The following RBFOX1 variants were observed in gnomAD, a reference collection of about 807,000 sequenced individuals.
RBFOX1 encodes the protein RNA binding fox-1 homolog 1.
A neutral mutation model predicts 57.7 loss-of-function variants in RBFOX1; 8 were observed. That is an observed-to-expected ratio of 0.14 (90% CI 0.08 to 0.25). The LOEUF is 0.25. Ranked by LOEUF, RBFOX1 falls within the 10% of genes least tolerant of loss-of-function variation. RBFOX1 has a pLI of 1.00. For synonymous variants in RBFOX1, 326 were observed against 222.4 expected (o/e 1.47, Z -4.15); for missense variants, 611 against 548.5 (o/e 1.11, Z -1.14).
intron 4 of RBFOX1, among the ~76,000 whole-genome samples, chr16:7,106,389 T>C (rs959869908): frequency 6.6e-6 from 1 of 152,182 alleles, no homozygotes; most frequent in Non-Finnish European, 1.5e-5. Context: ...TGAAAAATAT[T>C]TTACAGCTCT....
intron 2 of RBFOX1, among the ~76,000 whole-genome samples, chr16:6,431,900 T>TTGCTTGCTTGCTTTCTTGCTTG (rs1567258053): frequency 1.4e-5 from 1 of 71,538 alleles, no homozygotes; most frequent in African/African-American, 5.4e-5. Flanking sequence ...TTGCTTGCTT[T>TTGCTTGCTTGCTTTCTTGCTTG]CTTTCTTTCT....
chr16:7,481,487 G>C (rs781045406), intron 4 of RBFOX1, among the ~76,000 whole-genome samples: 1 of 152,164 alleles, frequency 6.6e-6, no homozygotes, highest in Non-Finnish European at 1.5e-5. Context: ...CTTTTGGTGA[G>C]TTAGCAAGAA....
intron 4 of RBFOX1, among the ~76,000 whole-genome samples, chr16:7,219,094 T>C (rs577604548): frequency 1.3e-3 from 200 of 152,282 alleles, no homozygotes; most frequent in Middle Eastern, 3.4e-3. Context: ...GTCTTCATTA[T>C]CCCCGTCATT....
chr16:5,483,859 C>G (rs898345018), intron 2 of RBFOX1, among the ~76,000 whole-genome samples: 7 of 152,182 alleles, frequency 4.6e-5, no homozygotes, highest in African/African-American at 1.7e-4. Context: ...TCAAGAATCT[C>G]TCACAGGCTG....
intron 1 of RBFOX1, among the ~76,000 whole-genome samples, chr16:6,265,474 C>T (rs576980167): frequency 1.3e-5 from 2 of 152,230 alleles, no homozygotes; most frequent in South Asian, 4.1e-4. Context: ...GTTGGCCAGG[C>T]TGGTCTCAAA....
At chr16:7,331,661 C>T (rs997695046) in intron 4 of RBFOX1, among the ~76,000 whole-genome samples, 3 of 152,140 alleles carry the variant, frequency 2.0e-5, no homozygotes, top group African/African-American at 7.2e-5. Context: ...AATGATAACA[C>T]AGCCTTTTGA....
At chr16:6,840,146 A>T (rs950636081) in intron 3 of RBFOX1, among the ~76,000 whole-genome samples, 12 of 152,190 alleles carry the variant, frequency 7.9e-5, no homozygotes, top group Non-Finnish European at 1.6e-4. Context: ...TCATGGAGAT[A>T]ATCAGGCACC....
chr16:6,174,641 A>G (rs1327319730), intron 1 of RBFOX1, among the ~76,000 whole-genome samples: 2 of 152,098 alleles, frequency 1.3e-5, no homozygotes, highest in Admixed American at 6.6e-5. Context: ...GAAAAATATA[A>G]AAGTTAGGAT....
Position 6,380,037 on chromosome 16 carries a change from G to T in RBFOX1, c.-64+62980G>T, listed in dbSNP as rs191256052. On this transcript the variant is annotated intron_variant, in intron 2 of 15. Transcript: ENST00000550418. ...TAACAGGCAAGAAAGAGCAAGTTGGGGTGTAAGGAAGTCCGTAGGCTTTAT... is the reference window on the plus strand; with the variant it reads ...TAACAGGCAAGAAAGAGCAAGTTGGTGTGTAAGGAAGTCCGTAGGCTTTAT... 2.0e-5 allele frequency among the ~76,000 whole-genome samples: 3 copies of T among 152,268 alleles called. No homozygotes were observed. The East Asian group carries it at 5.8e-4, about 29-fold the overall frequency.
At chr16:7,064,671 C>T (rs1004429813) in intron 4 of RBFOX1, among the ~76,000 whole-genome samples, 8 of 152,130 alleles carry the variant, frequency 5.3e-5, no homozygotes, top group Non-Finnish European at 5.9e-5. Context: ...CCCTGGTCCA[C>T]GGTACTTTGT....
chr16:7,434,167 G>T (rs1420596547), intron 4 of RBFOX1, among the ~76,000 whole-genome samples: 1 of 152,052 alleles, frequency 6.6e-6, no homozygotes, highest in Non-Finnish European at 1.5e-5. Flanking sequence ...ACAGACATGT[G>T]GTGGTATAAG....
At chr16:7,033,784 A>G (rs2043458894) in intron 3 of RBFOX1, among the ~76,000 whole-genome samples, 1 of 152,094 alleles carries the variant, frequency 6.6e-6, no homozygotes, top group Admixed American at 6.5e-5. Flanking sequence ...CCTGAGTAAC[A>G]TAGCAAAACC....
chr16:6,130,409 T>C (rs2096621515), intron 1 of RBFOX1, among the ~76,000 whole-genome samples: 1 of 152,018 alleles, frequency 6.6e-6, no homozygotes, highest in Non-Finnish European at 1.5e-5. Context: ...GCTTTAAAAA[T>C]AAATGTATAT....
At chr16:5,599,476 A>G (rs2047295231) in exon 3 of RBFOX1, 1 of 506,472 alleles carries the variant, frequency 2.0e-6, no homozygotes, top group Non-Finnish European at 3.5e-6. Context: ...CCCACGAATA[A>G]CAGTGGCCAG....
At chr16:6,092,637 G>C (rs1286788305) in intron 1 of RBFOX1, 3 of 152,120 alleles carry the variant, frequency 2.0e-5, no homozygotes, top group Non-Finnish European at 4.4e-5. Flanking sequence ...ACCATTTATT[G>C]AATAGGGAAT....
At chr16:6,782,504 A>G (rs545631229) in intron 3 of RBFOX1, among the ~76,000 whole-genome samples, 82 of 152,036 alleles carry the variant, frequency 5.4e-4, no homozygotes, top group Non-Finnish European at 1.0e-3. Context: ...TCATGGTTCA[A>G]TCTTGGTAGG....
At chr16:6,657,322 G>T (rs2098666153) in intron 3 of RBFOX1, among the ~76,000 whole-genome samples, 1 of 152,128 alleles carries the variant, frequency 6.6e-6, no homozygotes, top group Non-Finnish European at 1.5e-5. Flanking sequence ...AAGAGATTGG[G>T]AGTGAGGTTT....
intron 3 of RBFOX1, among the ~76,000 whole-genome samples, chr16:6,779,062 T>C (rs192476396): frequency 6.6e-6 from 1 of 152,208 alleles, no homozygotes; most frequent in Admixed American, 6.5e-5. Flanking sequence ...AATGCATTAT[T>C]GTTAACTATA....
At chr16:5,457,910 TA>T (rs2151586650) in intron 1 of RBFOX1, among the ~76,000 whole-genome samples, 1 of 152,228 alleles carries the variant, frequency 6.6e-6, no homozygotes, top group Non-Finnish European at 1.5e-5. Flanking sequence ...ACTATATGAA[TA>T]AACGAAAGCC....
Sources: gnomAD v4.1 joint callset for allele counts (sites outside exome capture counted in the v4.1 genomes callset) on GRCh38, gnomAD v4.1.1 for gene constraint, MANE v1.5 for transcripts, NCBI Gene and HGNC (gene_info 2026-07-23, HGNC 2026-07-21) for gene names.